The following DNER variants were observed in gnomAD, a reference collection of about 807,000 sequenced individuals.
The protein encoded by DNER is delta/notch like EGF repeat containing, also known as delta and Notch-like epidermal growth factor-related receptor.
Under a neutral mutation model 78.2 loss-of-function variants are expected in DNER, and 33 were observed. That is an observed-to-expected ratio of 0.42 (90% confidence interval 0.32 to 0.56). The LOEUF is 0.56. DNER is among the 20% of genes least tolerant of loss of function. The pLI is 0.11. For synonymous variants in DNER, 417 were observed against 384.8 expected (o/e 1.08, Z -0.98); for missense variants, 918 against 975.3 (o/e 0.94, Z 0.78).
intron 4 of DNER, among the ~76,000 whole-genome samples, chr2:229,558,048 T>TA (rs1316567237): frequency 1.3e-5 from 2 of 152,082 alleles, no homozygotes; most frequent in African/African-American, 4.8e-5. Flanking sequence ...TATGCAGCCA[T>TA]AAAAAAGAAT....
chr2:229,696,244 G>A (rs1156704805), intron 1 of DNER, among the ~76,000 whole-genome samples: 1 of 152,150 alleles, frequency 6.6e-6, no homozygotes, highest in Non-Finnish European at 1.5e-5. Context: ...AGTGCTCTAG[G>A]TCAACCCACA....
chr2:229,708,995 A>T (rs749367109), intron 1 of DNER, among the ~76,000 whole-genome samples: 3 of 152,256 alleles, frequency 2.0e-5, no homozygotes, highest in Admixed American at 6.5e-5. Flanking sequence ...TAAAAAGTAC[A>T]CATTTATAAA....
chr2:229,625,558 C>T (rs899413536), intron 1 of DNER, among the ~76,000 whole-genome samples: 7 of 152,134 alleles, frequency 4.6e-5, no homozygotes, highest in South Asian at 2.1e-4. Context: ...GAGGAAAGCT[C>T]CACTTCTGCC....
At chr2:229,381,748 G>A (rs1336107025) in intron 11 of DNER, among the ~76,000 whole-genome samples, 1 of 152,194 alleles carries the variant, frequency 6.6e-6, no homozygotes, top group African/African-American at 2.4e-5. Flanking sequence ...TCTGTGCAGG[G>A]CATTTCTGAA....
chr2:229,548,118 A>G (rs1299886829), intron 4 of DNER, among the ~76,000 whole-genome samples: 1 of 152,240 alleles, frequency 6.6e-6, no homozygotes, highest in Non-Finnish European at 1.5e-5. Flanking sequence ...ACAACAAAAG[A>G]TTTGTAAGAC....
chr2:229,546,975 T>C lies in DNER; in HGVS notation c.965A>G (p.Lys322Arg). Residue 322 changes from lysine (K) to arginine (R), a missense_variant, in exon 5 of 13, where the codon AAA becomes AGA. Coordinates refer to ENST00000341772, the MANE Select transcript of DNER (RefSeq NM_139072.4). ...TGACGGCTTCGTGGTGCATTTTCCT[T>C]TTCCTGAACACTCCAAGTCATTTGC... ...SHANDLECSG[K>R]GKCTTKPSEA... The C allele has an allele frequency of 6.2e-7, 1 of 1,614,180 alleles. No individual in the cohort carries two copies. The highest frequency in any genetic ancestry group is 8.5e-7 in the Non-Finnish European group (1 of 1,180,016).
chr2:229,462,486 T>C (rs911216781), intron 7 of DNER, among the ~76,000 whole-genome samples: 2 of 152,064 alleles, frequency 1.3e-5, no homozygotes, highest in Non-Finnish European at 2.9e-5. Flanking sequence ...AACCCCCATA[T>C]CCATCCAATT....
At chr2:229,394,066 C>G (rs1693076716) in intron 10 of DNER, among the ~76,000 whole-genome samples, 2 of 152,236 alleles carry the variant, frequency 1.3e-5, no homozygotes, top group South Asian at 4.1e-4. Flanking sequence ...AGGATAAACA[C>G]AAGAAAACCA....
chr2:229,633,074 A>T, intron 1 of DNER, among the ~76,000 whole-genome samples: 1 of 152,358 alleles, frequency 6.6e-6, no homozygotes, highest in East Asian at 1.9e-4. Context: ...CTATGAGACA[A>T]TAAGTAAATA....
rs370033181 is a variant in DNER, at chr2:229,564,429, T to A, written c.848-17337A>T. Among the ~76,000 whole-genome samples the A allele has an allele frequency of 1.1e-4, 16 of 145,876 alleles. No individual in the cohort carries two copies. In the East Asian group the frequency reaches 1.4e-3, roughly 12 times the overall value. Reference sequence around the variant, plus strand: ...CAACATCATCACACCATCACCATCATCATCATCATCCTCATCCCATCACCA... The same window carrying A: ...CAACATCATCACACCATCACCATCAACATCATCATCCTCATCCCATCACCA... On this transcript the variant is annotated intron_variant, in intron 4 of 12. Transcript: ENST00000341772.
intron 6 of DNER, among the ~76,000 whole-genome samples, chr2:229,503,994 T>C (rs2154212037): frequency 6.6e-6 from 1 of 152,248 alleles, no homozygotes; most frequent in South Asian, 2.1e-4. Flanking sequence ...TCTGCCCACC[T>C]TGGCCTCCCA....
intron 9 of DNER, among the ~76,000 whole-genome samples, chr2:229,413,534 G>T (rs1217118155): frequency 4.6e-5 from 7 of 151,138 alleles, no homozygotes; most frequent in African/African-American, 1.7e-4. Context: ...TGTTAGCCAG[G>T]CTGGTCTCGA....
intron 6 of DNER, among the ~76,000 whole-genome samples, chr2:229,481,709 T>A (rs1440897666): frequency 2.6e-5 from 4 of 152,224 alleles, no homozygotes; most frequent in Non-Finnish European, 5.9e-5. Flanking sequence ...GTCAAACTCT[T>A]CTCTGGGGAC....
intron 4 of DNER, among the ~76,000 whole-genome samples, chr2:229,548,093 T>C (rs1266407737): frequency 6.6e-6 from 1 of 152,154 alleles, no homozygotes; most frequent in African/African-American, 2.4e-5. Flanking sequence ...CAAAGCCACA[T>C]TCATAGATAG....
chr2:229,594,492 C>T (rs1244770631), intron 1 of DNER, among the ~76,000 whole-genome samples: 3 of 151,944 alleles, frequency 2.0e-5, no homozygotes, highest in East Asian at 1.9e-4. Flanking sequence ...GAGGCTAAGG[C>T]GGGAGAATCA....
At chr2:229,426,708 G>A (rs561947006) in intron 8 of DNER, among the ~76,000 whole-genome samples, 2 of 152,176 alleles carry the variant, frequency 1.3e-5, no homozygotes, top group South Asian at 2.1e-4. Context: ...AATAGAAATC[G>A]ATTAAAGAAC....
intron 11 of DNER, among the ~76,000 whole-genome samples, chr2:229,368,943 A>G (rs372036374): frequency 5.9e-5 from 9 of 152,342 alleles, no homozygotes; most frequent in African/African-American, 1.4e-4. Flanking sequence ...TCCTTTTCCA[A>G]TAAAGAAATA....
chr2:229,655,306 A>T (rs1171510692), intron 1 of DNER, among the ~76,000 whole-genome samples: 3 of 152,202 alleles, frequency 2.0e-5, no homozygotes, highest in Non-Finnish European at 4.4e-5. Flanking sequence ...GAAGGAATGA[A>T]TTCAAAAGAG....
rs55973585 is a variant in DNER at position 229,421,628 on chromosome 2, A to AATATATAT, written c.1487-3406_1487-3399dup. Reference sequence around the variant, plus strand: ...TAGTGGTAAAAAACATACAACATGAAATATATATATATATATAGAGAGAGA... The same window carrying AATATATAT: ...TAGTGGTAAAAAACATACAACATGAAATATATATATATATATATATATATAGAGAGAGA... On this transcript the variant is annotated intron_variant, in intron 8 of 12. Coordinates refer to ENST00000341772, the MANE Select transcript of DNER (RefSeq NM_139072.4). Among the ~76,000 whole-genome samples, 403 of 133,258 alleles carry AATATATAT rather than the reference A, an allele frequency of 3.0e-3. 1 individual carries two copies. Among genetic ancestry groups the AATATATAT allele is most frequent in the African/African-American group, 9.9e-3 (376 of 37,996 alleles). The allele number at this position is 133,258 out of a possible 152,430, so 87.4% of individuals were successfully genotyped here.
Sources: allele counts gnomAD v4.1 joint callset (sites outside exome capture counted in the v4.1 genomes callset), GRCh38; gene constraint gnomAD v4.1.1; transcripts MANE v1.5; gene names NCBI Gene and HGNC (gene_info 2026-07-23, HGNC 2026-07-21).